The following PLCH2 variants were observed in gnomAD, a reference collection of about 807,000 sequenced individuals.
PLCH2 encodes the protein phospholipase C eta 2, also known as 1-phosphatidylinositol 4,5-bisphosphate phosphodiesterase eta-2.
PLCH2 carries 98 observed loss-of-function variants against 134.7 expected under a neutral mutation model. The ratio of observed to expected loss-of-function variants is 0.73; its 90% confidence interval spans 0.62 to 0.86. The LOEUF (loss-of-function observed/expected upper bound fraction) is 0.86, where lower values mean the gene tolerates loss of function less well. Among genes scored for constraint, PLCH2 ranks in the 40% least tolerant of loss-of-function variants. The pLI is 0.00. For missense variants in PLCH2, 1,994 were observed against 1,986.6 expected (o/e 1.00, Z -0.07); for synonymous variants, 974 against 827.5 (o/e 1.18, Z -3.04).
rs1180547673 is a variant in PLCH2, at chr1:2,494,936, C to T, written c.1740C>T (p.Phe580=). The T allele has an allele frequency of 1.3e-6, 2 of 1,594,902 alleles. No homozygotes were observed. Among genetic ancestry groups the T allele is most frequent in the African/African-American group, 2.7e-5 (2 of 74,714 alleles). ...RRNGRLVVGS[F]SRRKKKGSKL... ...ATGGCCGCCTCGTCGTGGGAAGCTTCTCCAGGCGCAAGGTCCGGCGCAGCT... is the reference window on the plus strand; with the variant it reads ...ATGGCCGCCTCGTCGTGGGAAGCTTTTCCAGGCGCAAGGTCCGGCGCAGCT... Residue 580 remains phenylalanine, a synonymous_variant, in exon 12 of 22, where the codon TTC becomes TTT. Transcript: ENST00000378486.
In PLCH2 at chr1:2,496,501, C is replaced by T. The variant is rs577075739; in HGVS notation, c.1836-106C>T. The stretch of plus-strand genomic sequence containing the variant: ...TCCGTCTCTGATGGTTCGGGGCCTG[C>T]TGCGTGAATTAATGAGGCTGCCCGA... On this transcript the variant is annotated intron_variant, in intron 13 of 21. Coordinates refer to ENST00000378486, the MANE Select transcript of PLCH2 (RefSeq NM_014638.4). 4.4e-6 allele frequency: 4 copies of T among 905,718 alleles called. No homozygotes were observed. The African/African-American group carries it at 6.6e-5, about 15-fold the overall frequency. 56.1% of individuals were successfully genotyped at this position (905,718 alleles called of 1,614,324 possible). A position where few individuals can be genotyped will look rare whatever the true frequency, so the allele number is the denominator to read the frequency against.
chr1:2,425,759 G>A (rs562912876), upstream of PLCH2, among the ~76,000 whole-genome samples: 1 of 151,460 alleles, frequency 6.6e-6, no homozygotes, highest in South Asian at 2.1e-4. Flanking sequence ...CCTCAGTTGA[G>A]CAATCCACCT....
Position 2,499,180 on chromosome 1 carries a change from G to A in PLCH2, c.2531G>A (p.Gly844Glu). The A allele has an allele frequency of 2.5e-6, 4 of 1,613,222 alleles. No homozygotes were observed. Among genetic ancestry groups the A allele is most frequent in the South Asian group, 1.1e-5 (1 of 91,066 alleles). ...RFLVWDHDPI[G>E]RDFIGQRTLA... ...CTCGTCTGGGACCACGATCCCATCG[G>A]GCGTGACTTCATTGGCCAGAGGACG... Residue 844 changes from glycine to glutamate, a missense_variant, in exon 19 of 22, where the codon GGG (glycine) becomes GAG (glutamate). Gly to Glu is a moderately conservative substitution (Grantham distance 98). Around this residue, in one of 2 missense-constraint regions of PLCH2, gnomAD observed 1,094 missense variants for 1,234.3 expected, o/e 0.89. Coordinates refer to ENST00000378486, the MANE Select transcript of PLCH2 (RefSeq NM_014638.4).
intron 4 of PLCH2, among the ~76,000 whole-genome samples, chr1:2,480,616 C>A (rs529740322): frequency 6.6e-6 from 1 of 152,060 alleles, no homozygotes; most frequent in East Asian, 1.9e-4. Context: ...GTGGACTGGG[C>A]ATTCAGGGCA....
upstream of PLCH2, among the ~76,000 whole-genome samples, chr1:2,475,423 G>A (rs1053926252): frequency 1.3e-5 from 2 of 152,222 alleles, no homozygotes; most frequent in Non-Finnish European, 2.9e-5. Context: ...GTGTTCAGCC[G>A]GGGTCTGCCC....
At chr1:2,497,136 A>G in intron 15 of PLCH2, 126 bp downstream of exon 15, 1 of 917,402 alleles carries the variant, frequency 1.1e-6, no homozygotes, top group Non-Finnish European at 1.6e-6. Context: ...TTGCCCTTGG[A>G]GCCTCCACAC....
At chr1:2,454,949 A>T (rs927874183) in intron 2 of PLCH2, among the ~76,000 whole-genome samples, 6 of 152,030 alleles carry the variant, frequency 3.9e-5, no homozygotes, top group Admixed American at 3.9e-4. Flanking sequence ...CCTGTTGTCC[A>T]GGCTGGACCC....
intron 2 of PLCH2, among the ~76,000 whole-genome samples, chr1:2,456,080 G>A (rs967982570): frequency 3.9e-5 from 6 of 152,212 alleles, no homozygotes; most frequent in African/African-American, 9.7e-5. Flanking sequence ...AAACAGCGTC[G>A]CCTGGGGCAG....
At chr1:2,495,412 C>T in intron 12 of PLCH2, 76 bp from the exon 13 acceptor site, 7 of 1,291,072 alleles carry the variant, frequency 5.4e-6, no homozygotes, top group Non-Finnish European at 5.4e-6. Flanking sequence ...GATAGGCCCT[C>T]CCCAACCCCC....
chr1:2,499,079 C>T lies in PLCH2; in HGVS notation c.2435-5C>T. ...GGGACACTCCTCCTGGCGCTGCTTC[C>T]CCAGGGTTCAACCCCACCTGGGAGG... On this transcript the variant is annotated splice_polypyrimidine_tract_variant and splice_region_variant and intron_variant, in intron 18 of 21. Coordinates refer to ENST00000378486, the MANE Select transcript of PLCH2 (RefSeq NM_014638.4). 6.2e-7 allele frequency: 1 copy of T among 1,607,438 alleles called. No individual in the cohort carries two copies. Among genetic ancestry groups the T allele is most frequent in the Non-Finnish European group, 8.5e-7 (1 of 1,177,622 alleles).
chr1:2,453,831 G>T (rs1640357301), intron 2 of PLCH2, among the ~76,000 whole-genome samples: 1 of 152,212 alleles, frequency 6.6e-6, no homozygotes, highest in South Asian at 2.1e-4. Context: ...GGGGAGGGCT[G>T]CTATGGCTTC....
chr1:2,418,976 G>A, the PLCH2 span, among the ~76,000 whole-genome samples: 2 of 152,182 alleles, frequency 1.3e-5, no homozygotes, highest in African/African-American at 2.4e-5. Flanking sequence ...TCCCCTACCC[G>A]AGAGAGGACC....
intron 3 of PLCH2, 72 bp from the exon 4 acceptor site, chr1:2,480,110 CT>C: frequency 6.3e-7 from 1 of 1,591,866 alleles, no homozygotes; most frequent in Middle Eastern, 1.7e-4. Flanking sequence ...CTATTCCTTC[CT>C]CCCTAGGCCA....
intron 20 of PLCH2, chr1:2,499,961 C>A (rs900516316): frequency 3.4e-6 from 2 of 594,056 alleles, no homozygotes; most frequent in Non-Finnish European, 6.0e-6. Flanking sequence ...AGGACAGGTC[C>A]TGAGTGCTCC....
chr1:2,428,466 A>C (rs1476256064), intron 1 of PLCH2, among the ~76,000 whole-genome samples: 1 of 152,238 alleles, frequency 6.6e-6, no homozygotes, highest in Non-Finnish European at 1.5e-5. Flanking sequence ...CGTGGACTGC[A>C]TCTGTCCTGC....
chr1:2,422,136 G>T (rs1638548752), upstream of PLCH2, among the ~76,000 whole-genome samples: 1 of 152,134 alleles, frequency 6.6e-6, no homozygotes, highest in Non-Finnish European at 1.5e-5. Flanking sequence ...GGGCATGGTG[G>T]CAGGTGCCTG....
chr1:2,418,044 C>A, the PLCH2 span, among the ~76,000 whole-genome samples: 1 of 152,178 alleles, frequency 6.6e-6, no homozygotes, highest in Non-Finnish European at 1.5e-5. Flanking sequence ...TGTCCTGCCC[C>A]CAAACGCGAA....
Position 2,478,558 on chromosome 1 carries a change from C to T in PLCH2, c.207C>T (p.Tyr69=), listed in dbSNP as rs755710339. 1.9e-6 allele frequency: 3 copies of T among 1,612,628 alleles called. No homozygotes were observed. Among genetic ancestry groups the T allele is most frequent in the Non-Finnish European group, 2.5e-6 (3 of 1,179,778 alleles). Residue 69 remains tyrosine, a synonymous_variant, in exon 2 of 22, where the codon TAC becomes TAT. Coordinates refer to ENST00000378486, the MANE Select transcript of PLCH2 (RefSeq NM_014638.4). The part of the protein sequence containing the change: ...RGGSKGLVRF[Y]YLDEHRSCIR... ...GCTCCAAGGGCCTGGTCCGCTTCTA[C>T]TACCTGGACGAGCACCGCTCCTGCA...
upstream of PLCH2, among the ~76,000 whole-genome samples, chr1:2,471,729 T>C (rs1003775845): frequency 2.0e-5 from 3 of 151,942 alleles, no homozygotes; most frequent in African/African-American, 7.3e-5. Context: ...ATCGAGAACC[T>C]GTCCCCACGC....
Sources: allele counts gnomAD v4.1 joint callset (sites outside exome capture counted in the v4.1 genomes callset), GRCh38; gene constraint gnomAD v4.1.1; regional missense constraint gnomAD v4.1.1; transcripts MANE v1.5; gene names NCBI Gene and HGNC (gene_info 2026-07-23, HGNC 2026-07-21).